The following ACACB variants were observed in gnomAD, a reference collection of about 807,000 sequenced individuals.
ACACB encodes the protein acetyl-CoA carboxylase 2.
ACACB carries 209 observed loss-of-function variants against 278.8 expected under a neutral mutation model. That is an observed-to-expected ratio of 0.75 (90% CI 0.67 to 0.84). The LOEUF (loss-of-function observed/expected upper bound fraction) is 0.84, where lower values mean the gene tolerates loss of function less well. ACACB is among the 40% of genes least tolerant of loss of function. The pLI, the probability that ACACB is intolerant of heterozygous loss-of-function variation, is 0.00. For synonymous variants in ACACB, 1,174 were observed against 1,285.6 expected (o/e 0.91, Z 1.86); for missense variants, 2,850 against 3,269.0 (o/e 0.87, Z 3.13).
rs755591603 is a variant in ACACB, at chr12:109,246,427, G to A, written c.5550G>A (p.Val1850=). 3.0e-5 allele frequency: 48 copies of A among 1,611,738 alleles called. No homozygotes were observed. Among genetic ancestry groups the A allele is most frequent in the Middle Eastern group, 1.7e-4 (1 of 6,012 alleles). Residue 1850 remains valine, a synonymous_variant, in exon 39 of 53, where the codon GTG becomes GTA. Coordinates refer to ENST00000338432, the MANE Select transcript of ACACB (RefSeq NM_001093.4). ...EIKHMFHVAW[V]DPEDPHKGFK... ...AACACATGTTCCACGTGGCTTGGGT[G>A]GACCCAGAAGACCCCCACAAAGTAC...
chr12:109,255,377 T>G (rs1565977897), intron 44 of ACACB, among the ~76,000 whole-genome samples: 1 of 152,232 alleles, frequency 6.6e-6, no homozygotes, highest in Non-Finnish European at 1.5e-5. Context: ...CTCCAGCCAG[T>G]GCAAGGAGTC....
intron 48 of ACACB, among the ~76,000 whole-genome samples, chr12:109,261,040 G>T (rs1370602354): frequency 6.6e-6 from 1 of 152,178 alleles, no homozygotes; most frequent in Non-Finnish European, 1.5e-5. Flanking sequence ...ATGACTGAAT[G>T]AATACTTGCA....
chr12:109,256,965 C>T (rs1038382676), intron 45 of ACACB, among the ~76,000 whole-genome samples: 7 of 152,200 alleles, frequency 4.6e-5, no homozygotes, highest in Admixed American at 6.5e-5. Context: ...TTTACATCTT[C>T]GGCAATAAAT....
intron 1 of ACACB, among the ~76,000 whole-genome samples, chr12:109,130,584 T>G (rs2135977675): frequency 6.6e-6 from 1 of 152,322 alleles, no homozygotes; most frequent in East Asian, 1.9e-4. Flanking sequence ...CGATGATCCC[T>G]GTGCTTCCCC....
At chr12:109,193,084 T>C (rs2044952983) in intron 15 of ACACB, among the ~76,000 whole-genome samples, 1 of 152,222 alleles carries the variant, frequency 6.6e-6, no homozygotes, top group East Asian at 1.9e-4. Context: ...AAGAGACCGT[T>C]ATGGATTTTG....
At chr12:109,203,600 T>C (rs557070461) in intron 19 of ACACB, among the ~76,000 whole-genome samples, 1 of 152,368 alleles carries the variant, frequency 6.6e-6, no homozygotes, top group African/African-American at 2.4e-5. Flanking sequence ...GCCTAGTACA[T>C]CAGAGGTGCT....
chr12:109,180,149 C>T, intron 11 of ACACB, 62 bp downstream of exon 11: 2 of 1,543,562 alleles, frequency 1.3e-6, no homozygotes, highest in Non-Finnish European at 1.8e-6. Context: ...CCATGTGCTG[C>T]TCCCATTAGT....
chr12:109,209,141 C>T (rs1038118169), intron 20 of ACACB, 24 bp from the exon 21 acceptor site: 10 of 1,569,158 alleles, frequency 6.4e-6, no homozygotes, highest in Non-Finnish European at 7.8e-6. Context: ...GGGCTGGGGG[C>T]TGATGCTGTG....
intron 16 of ACACB, among the ~76,000 whole-genome samples, chr12:109,193,941 G>A (rs577972987): frequency 6.6e-6 from 1 of 152,306 alleles, no homozygotes; most frequent in South Asian, 2.1e-4. Context: ...AGGGCACAAT[G>A]GAGCGTGGAT....
intron 2 of ACACB, among the ~76,000 whole-genome samples, chr12:109,149,670 C>T (rs61934282): frequency 0.15 from 22,356 of 152,142 alleles, 2,011 homozygotes; most frequent in East Asian, 0.25. Context: ...AGAGGACACA[C>T]TAAGGGATGA....
chr12:109,238,532 A>G (rs2046705313), intron 34 of ACACB, among the ~76,000 whole-genome samples: 1 of 145,280 alleles, frequency 6.9e-6, no homozygotes, highest in Non-Finnish European at 1.5e-5. Flanking sequence ...TTATATAAAT[A>G]TATATTTATA....
intron 22 of ACACB, among the ~76,000 whole-genome samples, chr12:109,213,688 G>A (rs534868398): frequency 3.3e-5 from 5 of 151,824 alleles, no homozygotes; most frequent in South Asian, 4.2e-4. Context: ...TCCGCCTCCC[G>A]GGTTCACGCC....
Position 109,252,174 on chromosome 12 carries a change from T to G in ACACB, c.5901+18T>G, listed in dbSNP as rs763064904. ...TCAACAAGGTGACCAAAAAGGGGCCTGTGCAGAGTGGATCCTTGGGGGCCA... is the reference window on the plus strand; with the variant it reads ...TCAACAAGGTGACCAAAAAGGGGCCGGTGCAGAGTGGATCCTTGGGGGCCA... On this transcript the variant is annotated intron_variant, in intron 42 of 52. Transcript: ENST00000338432. The G allele has an allele frequency of 1.3e-6, 2 of 1,558,776 alleles. No individual in the cohort carries two copies. The highest frequency in any genetic ancestry group is 2.3e-5 in the South Asian group (2 of 86,158).
At chr12:109,206,594 C>A in intron 19 of ACACB, 116 bp from the exon 20 acceptor site, 1 of 1,226,074 alleles carries the variant, frequency 8.2e-7, no homozygotes, top group Non-Finnish European at 1.2e-6. Flanking sequence ...TTTCCTCAGA[C>A]CTCATCCTCA....
At chr12:109,248,161 G>C (rs1327624871) in intron 40 of ACACB, among the ~76,000 whole-genome samples, 2 of 152,144 alleles carry the variant, frequency 1.3e-5, no homozygotes, top group African/African-American at 4.8e-5. Flanking sequence ...TTTTTGCAAT[G>C]TTAGTGACAA....
At chr12:109,134,348 C>T (rs1196315097) in intron 1 of ACACB, among the ~76,000 whole-genome samples, 1 of 152,174 alleles carries the variant, frequency 6.6e-6, no homozygotes, top group Non-Finnish European at 1.5e-5. Flanking sequence ...CTGTGGCCAG[C>T]AGAGGGCATG....
Position 109,241,151 on chromosome 12 carries a change from A to T in ACACB, c.4892A>T (p.Glu1631Val), listed in dbSNP as rs1039065105. ...RLWKLRVLQA[E>V]VKINIRQTTT... Reference sequence around the variant, plus strand: ...TGGAAACTCCGTGTGCTACAGGCTGAGGTCAAGATCAACATCCGCCAGACC... The same window carrying T: ...TGGAAACTCCGTGTGCTACAGGCTGTGGTCAAGATCAACATCCGCCAGACC... The change falls in exon 36 of 53, where the codon GAG (glutamate) becomes GTG (valine). Residue 1631 changes from glutamate (E) to valine (V), a missense_variant. Around this residue, in one of 3 missense-constraint regions of ACACB, gnomAD observed 2,265 missense variants for 2,561.3 expected, o/e 0.88. Transcript: ENST00000338432. The T allele has an allele frequency of 4.3e-6, 7 of 1,614,048 alleles. No homozygotes were observed. Among genetic ancestry groups the T allele is most frequent in the Admixed American group, 1.7e-5 (1 of 60,006 alleles).
In ACACB at chr12:109,144,767, T is replaced by G. The variant is rs183126612; in HGVS notation, c.653+4709T>G. ...CTTTCTTTCTTTCTTTTTTTTTTTT[T>G]TTTTTGAGACAGAGTCTTGCTCTGT... is the stretch of plus-strand genomic sequence containing the variant. On this transcript the variant is annotated intron_variant, in intron 2 of 52. Transcript: ENST00000338432. Among the ~76,000 whole-genome samples the G allele has an allele frequency of 4.7e-3, 652 of 139,312 alleles. 9 individuals carry two copies. Among genetic ancestry groups the G allele is most frequent in the African/African-American group, 0.017 (619 of 37,300 alleles). 91.4% of individuals were successfully genotyped at this position (139,312 alleles called of 152,430 possible).
intron 16 of ACACB, among the ~76,000 whole-genome samples, chr12:109,195,124 G>A (rs933332700): frequency 2.6e-5 from 4 of 152,118 alleles, no homozygotes; most frequent in African/African-American, 9.7e-5. Context: ...ATGGTGTTCT[G>A]GGCCCAGGGT....
Sources: gnomAD v4.1 joint callset for allele counts (sites outside exome capture counted in the v4.1 genomes callset) on GRCh38, gnomAD v4.1.1 for gene constraint, gnomAD v4.1.1 regional missense constraint, MANE v1.5 for transcripts, NCBI Gene and HGNC (gene_info 2026-07-23, HGNC 2026-07-21) for gene names.